Variants in VPS52 observed in about 807,000 individuals in gnomAD.
VPS52 encodes the protein VPS52 subunit of GARP complex, also known as vacuolar protein sorting-associated protein 52 homolog.
VPS52 carries 56 observed loss-of-function variants against 98.7 expected under a neutral mutation model. The ratio of observed to expected loss-of-function variants is 0.57; its 90% confidence interval spans 0.46 to 0.71. The LOEUF (loss-of-function observed/expected upper bound fraction) is 0.71, where lower values mean the gene tolerates loss of function less well. Among genes scored for constraint, VPS52 ranks in the 30% least tolerant of loss-of-function variants. The pLI is 0.00. For missense variants in VPS52, 742 were observed against 925.9 expected (o/e 0.80, Z 2.58); for synonymous variants, 348 against 346.4 (o/e 1.00, Z -0.05).
Position 33,267,207 on chromosome 6 carries a change from G to T in VPS52, c.1106C>A (p.Ala369Glu). Residue 369 changes from alanine to glutamate, a missense_variant, in exon 11 of 20, where the codon GCG becomes GAG. Around this residue, in one of 2 missense-constraint regions of VPS52, gnomAD observed 590 missense variants for 793.3 expected, o/e 0.74. Coordinates refer to ENST00000445902, the MANE Select transcript of VPS52 (RefSeq NM_022553.6). The surrounding 1 kb of genome is among the most constrained non-coding windows in gnomAD (Gnocchi z 4.2). ...LEAPILVPHT[A>E]QRGEQRYPFE... is the part of the protein sequence containing the mutation. ...TCATACCCTCTGCTCTCCGCGCTGC[G>T]CTGTGTGAGGCACCAGGATGGGGGC... The T allele has an allele frequency of 6.4e-7, 1 of 1,571,122 alleles. No individual in the cohort carries two copies. Among genetic ancestry groups the T allele is most frequent in the East Asian group, 2.3e-5 (1 of 43,756 alleles).
Position 33,268,368 on chromosome 6 carries a change from G to C in VPS52, c.699+131C>G, listed in dbSNP as rs185988655. ...AGGGAAACCCAGAGAGACAAGAATGGGGCTGCCCAGAAAAGGCAGGGTGAA... is the reference window on the plus strand; with the variant it reads ...AGGGAAACCCAGAGAGACAAGAATGCGGCTGCCCAGAAAAGGCAGGGTGAA... On this transcript the variant is annotated intron_variant, in intron 7 of 19. Coordinates refer to ENST00000445902, the MANE Select transcript of VPS52 (RefSeq NM_022553.6). This position sits in a 1 kb window ranked among gnomAD's most constrained non-coding sequence, Gnocchi z 4.0. The C allele has an allele frequency of 6.6e-3, 8,930 of 1,352,872 alleles. 43 individuals are homozygous for C. The highest frequency in any genetic ancestry group is 7.9e-3 in the Non-Finnish European group (7,776 of 981,904). The allele number at this position is 1,352,872 out of a possible 1,614,324, so 83.8% of individuals were successfully genotyped here.
chr6:33,258,442 C>T (rs1455319247), intron 17 of VPS52, among the ~76,000 whole-genome samples: 2 of 108,088 alleles, frequency 1.9e-5, no homozygotes, highest in Non-Finnish European at 3.8e-5. Flanking sequence ...CTGGGCAACA[C>T]AGAAAGACCC....
In VPS52 at chr6:33,251,950, A is replaced by T. The variant is rs1486287649; in HGVS notation, c.1816T>A (p.Ser606Thr). 6.2e-7 allele frequency: 1 copy of T among 1,613,170 alleles called. No homozygotes were observed. Among genetic ancestry groups the T allele is most frequent in the South Asian group, 1.1e-5 (1 of 91,088 alleles). ...GCCACTAAACCCCCAAAAGGGGGAG[A>T]CAGCAACTCTTCAATGAATTCCTGG... is the stretch of plus-strand genomic sequence containing the variant. ...RTQEFIEELL[S>T]PPFGGLVAFV... The change falls in exon 18 of 20, where the codon TCT (serine) becomes ACT (threonine). Residue 606 changes from serine to threonine, a missense_variant. Coordinates refer to ENST00000445902, the MANE Select transcript of VPS52 (RefSeq NM_022553.6).
chr6:33,251,707 G>A (rs1762267411), intron 18 of VPS52, 71 bp from the exon 19 acceptor site: 20 of 1,433,938 alleles, frequency 1.4e-5, no homozygotes, highest in Non-Finnish European at 1.9e-5. Context: ...TCTCCCCAAG[G>A]TATAGCCATC....
intron 3 of VPS52, 69 bp from the exon 4 acceptor site, chr6:33,269,888 A>C (rs561816688): frequency 6.3e-7 from 1 of 1,593,304 alleles, no homozygotes; most frequent in East Asian, 2.2e-5. Flanking sequence ...AGAATCAGTG[A>C]AGGACTAAAG....
chr6:33,264,431 C>T lies in VPS52; in HGVS notation c.1467G>A (p.Gln489=), dbSNP rs1051350486. Residue 489 remains glutamine (Q), a synonymous_variant, in exon 14 of 20, where the codon CAG becomes CAA. Coordinates refer to ENST00000445902, the MANE Select transcript of VPS52 (RefSeq NM_022553.6). ...GCTGGGGGTCAGTGCTTCGGACGCTCTGAACATTCATCTCCAGGATCAGTT... is the reference window on the plus strand; with the variant it reads ...GCTGGGGGTCAGTGCTTCGGACGCTTTGAACATTCATCTCCAGGATCAGTT... The part of the protein sequence containing the change: ...RFELILEMNV[Q]SVRSTDPQRL... The T allele has an allele frequency of 1.9e-6, 3 of 1,614,150 alleles. No individual in the cohort carries two copies. Among genetic ancestry groups the T allele is most frequent in the Non-Finnish European group, 2.5e-6 (3 of 1,180,032 alleles).
At chr6:33,270,306 G>C (rs775880237) in intron 1 of VPS52, 23 bp from the exon 2 acceptor site, 2 of 1,595,496 alleles carry the variant, frequency 1.3e-6, no homozygotes, top group Non-Finnish European at 1.7e-6. Flanking sequence ...AAGTTAATGG[G>C]AGTAGGGTAC....
chr6:33,269,385 G>T, intron 5 of VPS52, 105 bp downstream of exon 5: 5 of 1,493,650 alleles, frequency 3.3e-6, no homozygotes, highest in Non-Finnish European at 4.6e-6. Context: ...TCTTGAAAAT[G>T]ACCCTAACCT....
rs924199561 is a variant in VPS52, at chr6:33,258,912, G to GA, written c.1794+4571dup. 1.3e-3 allele frequency among the ~76,000 whole-genome samples: 188 copies of GA among 148,666 alleles called. 1 individual carries two copies. Among genetic ancestry groups the GA allele is most frequent in the Admixed American group, 3.2e-3 (48 of 14,934 alleles). On this transcript the variant is annotated intron_variant, in intron 17 of 19. Transcript: ENST00000445902. ...AAATGCTATGACAGCCATTTTACAGGAAAAAAAAAAATTGTATAGTTGTGG... is the reference window on the plus strand; with the variant it reads ...AAATGCTATGACAGCCATTTTACAGGAAAAAAAAAAAATTGTATAGTTGTGG...
chr6:33,251,424 C>A, intron 19 of VPS52, 94 bp downstream of exon 19: 1 of 834,218 alleles, frequency 1.2e-6, no homozygotes, highest in South Asian at 1.6e-5. Flanking sequence ...AACTGAAGAC[C>A]AAGGGTCACT....
intron 11 of VPS52, 54 bp from the exon 12 acceptor site, chr6:33,266,766 C>T (rs1764371680): frequency 1.3e-6 from 2 of 1,552,548 alleles, no homozygotes; most frequent in Admixed American, 1.9e-5. Context: ...CCAACACTGA[C>T]TTCCCATGGA....
Position 33,271,779 on chromosome 6 carries a change from G to C in VPS52, c.-104C>G. The C allele has an allele frequency of 1.4e-6, 2 of 1,472,860 alleles. No homozygotes were observed. Among genetic ancestry groups the C allele is most frequent in the East Asian group, 2.5e-5 (1 of 40,292 alleles). The allele number at this position is 1,472,860 out of a possible 1,614,324, so 91.2% of individuals were successfully genotyped here. ...CTTCCTCAGCGCGAAATCGTTCCCA[G>C]ATATTTGAGTTAAGTTGTTTGACTC... is the stretch of plus-strand genomic sequence containing the variant. On this transcript the variant is annotated 5_prime_UTR_variant, in exon 1 of 20. In the 5' UTR this introduces an upstream ATG that the reference lacks. Coordinates refer to ENST00000445902, the MANE Select transcript of VPS52 (RefSeq NM_022553.6).
At chr6:33,251,443 G>A (rs1191826148) in intron 19 of VPS52, 75 bp downstream of exon 19, 5 of 1,026,916 alleles carry the variant, frequency 4.9e-6, no homozygotes, top group Non-Finnish European at 7.5e-6. Context: ...CTTAGATGAT[G>A]CTGAGCCCAG....
intron 17 of VPS52, among the ~76,000 whole-genome samples, chr6:33,258,586 A>C (rs1161269899): frequency 2.0e-5 from 3 of 151,980 alleles, no homozygotes; most frequent in African/African-American, 7.2e-5. Flanking sequence ...TAGCAGACTT[A>C]TTTTTTTCTT....
chr6:33,264,735 A>G (rs1354574199), intron 13 of VPS52, 47 bp downstream of exon 13: 1 of 1,565,934 alleles, frequency 6.4e-7, no homozygotes, highest in Non-Finnish European at 8.8e-7. Flanking sequence ...ATGCAAGACC[A>G]AGAGAGTTCG....
chr6:33,264,226 G>A, intron 14 of VPS52, 123 bp from the exon 15 acceptor site: 1 of 1,534,166 alleles, frequency 6.5e-7, no homozygotes, highest in Non-Finnish European at 8.9e-7. Flanking sequence ...CCTACCCACA[G>A]TGCACCACTC....
At chr6:33,255,462 CTTTTTTTTTTTT>C (rs9280383) in intron 17 of VPS52, among the ~76,000 whole-genome samples, 2 of 117,262 alleles carry the variant, frequency 1.7e-5, no homozygotes, top group African/African-American at 3.4e-5. Flanking sequence ...CTACGCCTGG[CTTTTTTTTTTTT>C]TTTTTTTTTT....
At chr6:33,263,944 T>G in intron 15 of VPS52, 64 bp downstream of exon 15, 1 of 1,613,552 alleles carries the variant, frequency 6.2e-7, no homozygotes, top group Non-Finnish European at 8.5e-7. Context: ...ATCTGGCTCC[T>G]CCTCAGACTC....
intron 17 of VPS52, among the ~76,000 whole-genome samples, chr6:33,256,628 G>A (rs1763011052): frequency 6.6e-6 from 1 of 151,460 alleles, no homozygotes; most frequent in Non-Finnish European, 1.5e-5. Context: ...TTTAAAATGT[G>A]AAAACTTTTC....
Sources: allele counts gnomAD v4.1 joint callset (sites outside exome capture counted in the v4.1 genomes callset), GRCh38; gene constraint gnomAD v4.1.1; regional missense constraint gnomAD v4.1.1; non-coding constraint Gnocchi (gnomAD v3.1); transcripts MANE v1.5; gene names NCBI Gene and HGNC (gene_info 2026-07-23, HGNC 2026-07-21).